The following GRID1 variants were observed in gnomAD, a reference collection of about 807,000 sequenced individuals.
The protein encoded by GRID1 is glutamate receptor ionotropic, delta-1.
A neutral mutation model predicts 98.0 loss-of-function variants in GRID1; 28 were observed. That is an observed-to-expected ratio of 0.29 (90% CI 0.21 to 0.39). The LOEUF is 0.39. Among genes scored for constraint, GRID1 ranks in the 10% least tolerant of loss-of-function variants. The pLI, the probability that GRID1 is intolerant of heterozygous loss-of-function variation, is 1.00. For synonymous variants in GRID1, 553 were observed against 538.5 expected, an observed-to-expected ratio of 1.03 and a Z score of -0.37; for missense variants, 1,111 against 1,340.5, an observed-to-expected ratio of 0.83 and a Z score of 2.67.
intron 2 of GRID1, among the ~76,000 whole-genome samples, chr10:86,244,062 G>A (rs1469576820): frequency 6.6e-6 from 1 of 152,236 alleles, no homozygotes; most frequent in African/African-American, 2.4e-5. Flanking sequence ...ACACAGGCAT[G>A]CAAACACAGC....
chr10:86,228,975 T>C (rs1429335366), intron 2 of GRID1, among the ~76,000 whole-genome samples: 1 of 152,126 alleles, frequency 6.6e-6, no homozygotes, highest in Non-Finnish European at 1.5e-5. Context: ...AGAGGCACCC[T>C]GAACAAGGGT....
intron 5 of GRID1, among the ~76,000 whole-genome samples, chr10:85,911,010 C>A (rs1157808251): frequency 6.6e-6 from 1 of 152,098 alleles, no homozygotes; most frequent in East Asian, 1.9e-4. Flanking sequence ...AGAAAGAAGT[C>A]ACTCATCCAT....
At chr10:86,005,462 T>G (rs772208269) in intron 4 of GRID1, among the ~76,000 whole-genome samples, 1 of 152,186 alleles carries the variant, frequency 6.6e-6, no homozygotes, top group Admixed American at 6.5e-5. Context: ...TGGTTAATCA[T>G]GTAGATTAGG....
chr10:85,875,195 G>A (rs554228680), intron 5 of GRID1, among the ~76,000 whole-genome samples: 9 of 152,006 alleles, frequency 5.9e-5, no homozygotes, highest in South Asian at 2.1e-4. Context: ...TTTTTTATTC[G>A]TTACACACAG....
At chr10:85,966,357 G>A (rs1395775085) in intron 4 of GRID1, among the ~76,000 whole-genome samples, 6 of 152,174 alleles carry the variant, frequency 3.9e-5, no homozygotes, top group African/African-American at 1.4e-4. Context: ...AAAGATCTCA[G>A]AAAGCTCCAA....
At chr10:85,876,282 G>A (rs1843330646) in intron 5 of GRID1, among the ~76,000 whole-genome samples, 1 of 151,938 alleles carries the variant, frequency 6.6e-6, no homozygotes, top group African/African-American at 2.4e-5. Context: ...CCCTGGGGGA[G>A]ACATGTTTCT....
At chr10:85,836,722 G>A (rs140311048) in intron 8 of GRID1, among the ~76,000 whole-genome samples, 25 of 152,292 alleles carry the variant, frequency 1.6e-4, no homozygotes, top group African/African-American at 6.0e-4. Flanking sequence ...TAGCTTTAGG[G>A]GAACTGTCAG....
intron 4 of GRID1, among the ~76,000 whole-genome samples, chr10:86,135,190 G>A (rs916685802): frequency 3.9e-5 from 6 of 152,222 alleles, no homozygotes; most frequent in Admixed American, 2.0e-4. Flanking sequence ...ATCATAGGTA[G>A]TTGTCACTGT....
intron 2 of GRID1, among the ~76,000 whole-genome samples, chr10:86,313,572 G>A (rs1589446236): frequency 6.6e-6 from 1 of 152,302 alleles, no homozygotes; most frequent in African/African-American, 2.4e-5. Context: ...GAGTCTCCGT[G>A]GCAGGGAAAT....
At chr10:86,313,475 G>A (rs569962878) in intron 2 of GRID1, among the ~76,000 whole-genome samples, 1 of 152,098 alleles carries the variant, frequency 6.6e-6, no homozygotes, top group Non-Finnish European at 1.5e-5. Context: ...ATGAACAGAG[G>A]ACTCTCCAGG....
chr10:86,102,619 C>A (rs907490381), intron 4 of GRID1, among the ~76,000 whole-genome samples: 1 of 152,230 alleles, frequency 6.6e-6, no homozygotes, highest in Non-Finnish European at 1.5e-5. Flanking sequence ...CTGATCCCCA[C>A]AACATAAATG....
intron 2 of GRID1, among the ~76,000 whole-genome samples, chr10:86,260,099 G>A (rs1020924593): frequency 1.3e-5 from 2 of 152,214 alleles, no homozygotes; most frequent in South Asian, 2.1e-4. Context: ...CACCTGTGTG[G>A]AGTAGTCAGG....
intron 2 of GRID1, among the ~76,000 whole-genome samples, chr10:86,310,446 G>C (rs8181372): frequency 6.6e-6 from 1 of 151,920 alleles, no homozygotes; most frequent in Non-Finnish European, 1.5e-5. Flanking sequence ...GTGGGGTAGA[G>C]GGGTGGGCAG....
intron 4 of GRID1, among the ~76,000 whole-genome samples, chr10:86,097,450 C>T (rs1844237168): frequency 6.6e-6 from 1 of 152,152 alleles, no homozygotes; most frequent in African/African-American, 2.4e-5. Context: ...ATCTATCTAT[C>T]ATCTGTCTAC....
chr10:86,362,152 C>A (rs1009810251), intron 2 of GRID1, among the ~76,000 whole-genome samples: 1 of 152,194 alleles, frequency 6.6e-6, no homozygotes, highest in Admixed American at 6.5e-5. Flanking sequence ...CTTCAGCTCC[C>A]AAGCACAAAG....
intron 14 of GRID1, among the ~76,000 whole-genome samples, chr10:85,614,406 G>T (rs1842766064): frequency 6.6e-6 from 1 of 152,216 alleles, no homozygotes. Flanking sequence ...TAGTGCCAAG[G>T]AGTATCCTCC....
intron 8 of GRID1, among the ~76,000 whole-genome samples, chr10:85,826,408 A>G (rs190743558): frequency 6.6e-6 from 1 of 152,326 alleles, no homozygotes; most frequent in Non-Finnish European, 1.5e-5. Context: ...TTAAAAACCA[A>G]TAAAATGACT....
In GRID1 at chr10:85,638,172, A is replaced by G. The variant is rs187577845; in HGVS notation, c.2193+9030T>C. 4.0e-3 allele frequency among the ~76,000 whole-genome samples: 612 copies of G among 152,340 alleles called. 5 individuals are homozygous for G. The highest frequency in any genetic ancestry group is 4.9e-3 in the Non-Finnish European group (334 of 68,020). On this transcript the variant is annotated intron_variant, in intron 13 of 15. Coordinates refer to ENST00000327946, the MANE Select transcript of GRID1 (RefSeq NM_017551.3). ...AAAAAAGTTGAAATCAATAAAATATAAAAACAACAGTGAAAATCAGTGAAG... is the reference window on the plus strand; with the variant it reads ...AAAAAAGTTGAAATCAATAAAATATGAAAACAACAGTGAAAATCAGTGAAG...
intron 4 of GRID1, among the ~76,000 whole-genome samples, chr10:86,084,507 C>CTG (rs1844022930): frequency 6.6e-6 from 1 of 152,026 alleles, no homozygotes; most frequent in African/African-American, 2.4e-5. Context: ...ATAGAAATAC[C>CTG]CTATGATCTA....
Sources: allele counts gnomAD v4.1 joint callset (sites outside exome capture counted in the v4.1 genomes callset), GRCh38; gene constraint gnomAD v4.1.1; transcripts MANE v1.5; gene names NCBI Gene and HGNC (gene_info 2026-07-23, HGNC 2026-07-21).